COMMD10: variants seen among roughly 807,000 people sequenced by gnomAD.
COMMD10 encodes the protein COMM domain-containing protein 10.
COMMD10 carries 33 observed loss-of-function variants against 28.9 expected under a neutral mutation model. That is an observed-to-expected ratio of 1.14 (90% CI 0.87 to 1.53). The LOEUF (loss-of-function observed/expected upper bound fraction) is 1.53. Among genes scored for constraint, COMMD10 ranks in the 40% most tolerant of loss-of-function variants. The probability of loss-of-function intolerance (pLI) is 0.00; values close to 1 mark genes in which losing one functional copy is unlikely to be tolerated. For missense variants in COMMD10, 310 were observed against 233.4 expected, an observed-to-expected ratio of 1.33 and a Z score of -2.14; for synonymous variants, 110 against 81.7, an observed-to-expected ratio of 1.35 and a Z score of -1.87.
intron 5 of COMMD10, among the ~76,000 whole-genome samples, chr5:116,143,260 T>C (rs529694776): frequency 6.6e-6 from 1 of 151,618 alleles, no homozygotes; most frequent in East Asian, 1.9e-4. Flanking sequence ...TCTACATTTA[T>C]CCATAATAAG....
At chr5:116,176,307 G>A (rs370022938) in intron 5 of COMMD10, among the ~76,000 whole-genome samples, 19 of 152,112 alleles carry the variant, frequency 1.2e-4, no homozygotes, top group African/African-American at 4.6e-4. Flanking sequence ...TAGAGACAGC[G>A]TTTGCCAGGC....
intron 4 of COMMD10, among the ~76,000 whole-genome samples, chr5:116,115,318 C>T (rs188560330): frequency 2.0e-3 from 302 of 152,280 alleles, no homozygotes; most frequent in Middle Eastern, 6.8e-3. Flanking sequence ...CCTTCTCCCA[C>T]GTTGCAGACT....
chr5:116,160,843 C>T (rs76747763), intron 5 of COMMD10, among the ~76,000 whole-genome samples: 4,677 of 152,156 alleles, frequency 0.031, 224 homozygotes, highest in African/African-American at 0.11. Flanking sequence ...CTCTCTGTTA[C>T]GGGAAGCAGT....
chr5:116,262,157 A>G (rs778791780), intron 5 of COMMD10, among the ~76,000 whole-genome samples: 14 of 151,562 alleles, frequency 9.2e-5, no homozygotes, highest in Non-Finnish European at 7.4e-5. Flanking sequence ...TAGATGCTAT[A>G]CTATTCTGAT....
chr5:116,156,752 G>C (rs183354276), intron 5 of COMMD10, among the ~76,000 whole-genome samples: 1 of 152,110 alleles, frequency 6.6e-6, no homozygotes, highest in African/African-American at 2.4e-5. Flanking sequence ...CATTAACAAA[G>C]GGTTTTGTAG....
intron 1 of COMMD10, among the ~76,000 whole-genome samples, chr5:116,085,955 G>C (rs1185728658): frequency 1.3e-5 from 2 of 152,206 alleles, no homozygotes; most frequent in Admixed American, 6.5e-5. Flanking sequence ...CAAAGAACTG[G>C]AGAAGACGCA....
rs577063932 is a variant in COMMD10 at position 116,280,052 on chromosome 5, G to T, written c.511-11465G>T. On this transcript the variant is annotated intron_variant, in intron 5 of 6. Transcript: ENST00000274458. ...ACAGTAATGCAATGGCAAGAACAAT[G>T]ACATGTTTCACTTTTATGTATTTTA... 1.9e-4 allele frequency among the ~76,000 whole-genome samples: 29 copies of T among 151,930 alleles called. 1 individual carries two copies. Among genetic ancestry groups the T allele is most frequent in the African/African-American group, 7.0e-4 (29 of 41,284 alleles).
At chr5:116,154,596 A>T (rs73253279) in intron 5 of COMMD10, among the ~76,000 whole-genome samples, 2,514 of 152,242 alleles carry the variant, frequency 0.017, 76 homozygotes, top group African/African-American at 0.057. Flanking sequence ...AAATTCTTTC[A>T]GATAGTTTAG....
rs868013083 is a variant in COMMD10 at position 116,168,175 on chromosome 5, G to A, written c.510+33997G>A. 6.2e-3 allele frequency among the ~76,000 whole-genome samples: 861 copies of A among 139,912 alleles called. 14 individuals are homozygous for A. Among genetic ancestry groups the A allele is most frequent in the African/African-American group, 0.023 (830 of 36,518 alleles). 91.8% of individuals were successfully genotyped at this position (139,912 alleles called of 152,430 possible). ...ATGGAAAGCAAAAAAAAAAAAAAAA[G>A]GGATTGCAGTCCTAGTGTCAGATAA... is the stretch of plus-strand genomic sequence containing the variant. On this transcript the variant is annotated intron_variant, in intron 5 of 6. Transcript: ENST00000274458.
At chr5:116,145,492 T>C (rs1454995756) in intron 5 of COMMD10, among the ~76,000 whole-genome samples, 1 of 151,782 alleles carries the variant, frequency 6.6e-6, no homozygotes, top group East Asian at 1.9e-4. Context: ...GGAGTCTAAA[T>C]TGGGCCAGGT....
Position 116,271,955 on chromosome 5 carries a change from A to G in COMMD10, c.511-19562A>G, listed in dbSNP as rs1314186288. ...AGCTCAGATCTGACATGAAAGTAAA[A>G]ATTACTTATAACCACTTTGGGATTA... On this transcript the variant is annotated intron_variant, in intron 5 of 6. Transcript: ENST00000274458. Among the ~76,000 whole-genome samples, 3 of 151,898 alleles carry G rather than the reference A, an allele frequency of 2.0e-5. 1 individual carries two copies. Among genetic ancestry groups the G allele is most frequent in the African/African-American group, 7.3e-5 (3 of 41,204 alleles).
intron 5 of COMMD10, among the ~76,000 whole-genome samples, chr5:116,252,446 G>T: frequency 8.5e-6 from 1 of 118,274 alleles, no homozygotes; most frequent in African/African-American, 3.4e-5. Flanking sequence ...TAACATTTAA[G>T]TCCTGAATCC....
At chr5:116,213,272 A>G (rs1436183013) in intron 5 of COMMD10, among the ~76,000 whole-genome samples, 1 of 152,172 alleles carries the variant, frequency 6.6e-6, no homozygotes, top group Non-Finnish European at 1.5e-5. Context: ...TAAAGATGCC[A>G]GACTCAAACA....
chr5:116,251,144 T>C (rs187380681), intron 5 of COMMD10, among the ~76,000 whole-genome samples: 35 of 152,132 alleles, frequency 2.3e-4, no homozygotes, highest in Admixed American at 1.1e-3. Flanking sequence ...GTTCATTGTT[T>C]TCTGAAGCTG....
At chr5:116,117,813 G>T (rs957308094) in intron 4 of COMMD10, among the ~76,000 whole-genome samples, 1 of 152,066 alleles carries the variant, frequency 6.6e-6, no homozygotes, top group Non-Finnish European at 1.5e-5. Context: ...TTAAAAAAAC[G>T]TTTTGTATAG....
At chr5:116,272,737 T>C (rs1219961897) in intron 5 of COMMD10, among the ~76,000 whole-genome samples, 1 of 151,898 alleles carries the variant, frequency 6.6e-6, no homozygotes, top group Non-Finnish European at 1.5e-5. Flanking sequence ...GCAGTTGATC[T>C]GGGTGTTGTA....
At chr5:116,190,957 T>C (rs1748350343) in intron 5 of COMMD10, among the ~76,000 whole-genome samples, 1 of 152,212 alleles carries the variant, frequency 6.6e-6, no homozygotes, top group Non-Finnish European at 1.5e-5. Flanking sequence ...TGGAACTATA[T>C]ATTTTATTTA....
At chr5:116,292,347 C>T (rs1054194232) in intron 6 of COMMD10, 104 bp from the exon 7 acceptor site, 8 of 563,694 alleles carry the variant, frequency 1.4e-5, no homozygotes, top group Non-Finnish European at 2.4e-5. Flanking sequence ...TTCATAGTTA[C>T]CAGTGCTATT....
intron 5 of COMMD10, among the ~76,000 whole-genome samples, chr5:116,269,643 C>G (rs577054142): frequency 2.6e-4 from 39 of 151,838 alleles, no homozygotes; most frequent in South Asian, 8.3e-4. Context: ...AAATACCATA[C>G]TGATTCATCT....
Sources: allele counts gnomAD v4.1 joint callset (sites outside exome capture counted in the v4.1 genomes callset), GRCh38; gene constraint gnomAD v4.1.1; transcripts MANE v1.5; gene names NCBI Gene and HGNC (gene_info 2026-07-23, HGNC 2026-07-21).